Variants in ATRNL1 observed in about 807,000 individuals in gnomAD.
ATRNL1 encodes the protein attractin-like protein 1.
Under a neutral mutation model 182.7 loss-of-function variants are expected in ATRNL1, and 95 were observed. The ratio of observed to expected loss-of-function variants is 0.52; its 90% CI spans 0.44 to 0.62. The LOEUF (loss-of-function observed/expected upper bound fraction) is 0.62. ATRNL1 is among the 20% of genes least tolerant of loss of function. The pLI, the probability that ATRNL1 is intolerant of heterozygous loss-of-function variation, is 0.00. For missense variants in ATRNL1, 1,471 were observed against 1,679.5 expected (o/e 0.88, Z 2.17); for synonymous variants, 576 against 568.3 (o/e 1.01, Z -0.19).
chr10:115,395,235 T>G (rs1172058999), intron 20 of ATRNL1, among the ~76,000 whole-genome samples: 2 of 152,018 alleles, frequency 1.3e-5, no homozygotes, highest in Non-Finnish European at 2.9e-5. Flanking sequence ...GACCACATTT[T>G]CTTTATCCAG....
chr10:115,263,609 C>T (rs1222359663), intron 10 of ATRNL1, among the ~76,000 whole-genome samples: 8 of 151,580 alleles, frequency 5.3e-5, no homozygotes, highest in Non-Finnish European at 1.2e-4. Context: ...TTAAGATATG[C>T]GATGAAAACA....
At chr10:115,427,801 C>T (rs1279051643) in intron 21 of ATRNL1, among the ~76,000 whole-genome samples, 8 of 151,844 alleles carry the variant, frequency 5.3e-5, no homozygotes, top group South Asian at 2.1e-4. Flanking sequence ...TTTATGCTAA[C>T]GTAGCACATT....
intron 28 of ATRNL1, among the ~76,000 whole-genome samples, chr10:115,870,055 A>G (rs1273729596): frequency 1.6e-5 from 2 of 126,702 alleles, no homozygotes; most frequent in African/African-American, 6.2e-5. Context: ...ATCTCTGGTT[A>G]TTTCCTTGGG....
At chr10:115,860,389 CCTT>C (rs1247116126) in intron 28 of ATRNL1, among the ~76,000 whole-genome samples, 2 of 152,016 alleles carry the variant, frequency 1.3e-5, no homozygotes, top group African/African-American at 2.4e-5. Flanking sequence ...AAAAATGACT[CCTT>C]AAGTGTTCTG....
Position 115,442,303 on chromosome 10 carries a change from C to CTCTCTCTCTCTCTCTCTCTG in ATRNL1, c.3322+16002_3322+16003insCTCTCTCTCTCTCTCTCTGT, listed in dbSNP as rs782157017. 5.5e-3 allele frequency among the ~76,000 whole-genome samples: 681 copies of CTCTCTCTCTCTCTCTCTCTG among 123,702 alleles called. 11 individuals are homozygous for CTCTCTCTCTCTCTCTCTCTG. The highest frequency in any genetic ancestry group is 0.019 in the Middle Eastern group (4 of 212). The allele number at this position is 123,702 out of a possible 152,430, so 81.2% of individuals were successfully genotyped here. A position where few individuals can be genotyped will look rare whatever the true frequency, so the allele number is the denominator to read the frequency against. Reference sequence around the variant, plus strand: ...TCTCTCTCTCTCTCTCTCTCTCTCTCTGTGTGTATGTGTGTGTGTAAACAA... The same window carrying CTCTCTCTCTCTCTCTCTCTG: ...TCTCTCTCTCTCTCTCTCTCTCTCTCTCTCTCTCTCTCTCTCTCTGTGTGTGTATGTGTGTGTGTAAACAA... On this transcript the variant is annotated intron_variant, in intron 21 of 28. Coordinates refer to ENST00000355044, the MANE Select transcript of ATRNL1 (RefSeq NM_207303.4).
intron 27 of ATRNL1, among the ~76,000 whole-genome samples, chr10:115,836,256 G>T (rs78921745): frequency 0.016 from 2,490 of 152,210 alleles, 82 homozygotes; most frequent in African/African-American, 0.057. Flanking sequence ...CCAAATAGGG[G>T]AAATATTCTG....
intron 26 of ATRNL1, among the ~76,000 whole-genome samples, chr10:115,653,868 A>G (rs2133887075): frequency 6.6e-6 from 1 of 152,344 alleles, no homozygotes; most frequent in South Asian, 2.1e-4. Context: ...ATCAAACAAA[A>G]TCACTCATGA....
At position 115,274,577 on chromosome 10, in the gene ATRNL1, C is replaced by A. The variant is rs374838955; in HGVS notation, c.2100+6133C>A. On this transcript the variant is annotated intron_variant, in intron 13 of 28. Coordinates refer to ENST00000355044, the MANE Select transcript of ATRNL1 (RefSeq NM_207303.4). Reference sequence around the variant, plus strand: ...AGTCTAGAGTAGTTGCTACATCTTGCTCACTAGGTCCAATCTATGTGATGT... The same window carrying A: ...AGTCTAGAGTAGTTGCTACATCTTGATCACTAGGTCCAATCTATGTGATGT... 7.9e-4 allele frequency among the ~76,000 whole-genome samples: 121 copies of A among 152,266 alleles called. 2 individuals carry two copies. In the South Asian group the frequency reaches 0.024, roughly 31 times the overall value.
chr10:115,296,322 G>A (rs181061319), intron 15 of ATRNL1, among the ~76,000 whole-genome samples: 2 of 152,136 alleles, frequency 1.3e-5, no homozygotes, highest in Admixed American at 1.3e-4. Context: ...CTCTCCCTTC[G>A]ACACTCCAGT....
intron 18 of ATRNL1, among the ~76,000 whole-genome samples, chr10:115,327,483 T>G (rs1407786740): frequency 1.3e-5 from 2 of 150,644 alleles, no homozygotes; most frequent in East Asian, 3.9e-4. Flanking sequence ...TTTACACTGT[T>G]GGTGGGACTG....
intron 9 of ATRNL1, among the ~76,000 whole-genome samples, chr10:115,237,621 A>G (rs1048442185): frequency 1.1e-4 from 17 of 152,216 alleles, no homozygotes; most frequent in African/African-American, 3.4e-4. Context: ...TAATTTGGAT[A>G]CCAGTCCTTT....
intron 24 of ATRNL1, among the ~76,000 whole-genome samples, chr10:115,504,373 A>G (rs1171416812): frequency 6.6e-6 from 1 of 152,086 alleles, no homozygotes; most frequent in African/African-American, 2.4e-5. Flanking sequence ...AAAGATGAAG[A>G]TAACATTCCC....
At chr10:115,941,508 G>C (rs1424445086) in intron 28 of ATRNL1, among the ~76,000 whole-genome samples, 1 of 152,182 alleles carries the variant, frequency 6.6e-6, no homozygotes, top group East Asian at 1.9e-4. Context: ...CATGTAAATG[G>C]AAAGTATTAT....
chr10:115,844,270 A>G (rs1950878475), intron 27 of ATRNL1, among the ~76,000 whole-genome samples: 1 of 152,040 alleles, frequency 6.6e-6, no homozygotes, highest in South Asian at 2.1e-4. Context: ...TATGGTTTCT[A>G]GTGATGGGTC....
intron 27 of ATRNL1, among the ~76,000 whole-genome samples, chr10:115,817,712 C>T (rs2960663): frequency 0.98 from 149,263 of 152,016 alleles, 73,331 homozygotes; most frequent in East Asian, 1. Flanking sequence ...CTGTTTCATG[C>T]GCTGAATTAA....
chr10:115,870,673 C>A (rs983798840), intron 28 of ATRNL1, among the ~76,000 whole-genome samples: 2 of 152,118 alleles, frequency 1.3e-5, no homozygotes, highest in Non-Finnish European at 2.9e-5. Context: ...TCGTGCATAT[C>A]TTTATATATC....
chr10:115,872,584 G>A lies in ATRNL1; in HGVS notation c.4018+24593G>A, dbSNP rs116044718. Among the ~76,000 whole-genome samples, 922 of 152,322 alleles carry A rather than the reference G, an allele frequency of 6.1e-3. 9 individuals carry two copies. Among genetic ancestry groups the A allele is most frequent in the African/African-American group, 0.021 (859 of 41,580 alleles). ...ACACAAAGGATCCAATCTTGCTAGG[G>A]AATGACTAGGTAGAAGTCCAGTGCT... On this transcript the variant is annotated intron_variant, in intron 28 of 28. Transcript: ENST00000355044.
chr10:115,740,516 T>TC (rs1948105526), intron 27 of ATRNL1, among the ~76,000 whole-genome samples: 3 of 152,212 alleles, frequency 2.0e-5, no homozygotes, highest in African/African-American at 4.8e-5. Flanking sequence ...TCTATCTATT[T>TC]TGTTTTTTTG....
intron 24 of ATRNL1, among the ~76,000 whole-genome samples, chr10:115,487,635 A>G (rs1343958585): frequency 6.6e-6 from 1 of 152,120 alleles, no homozygotes. Context: ...TTGGACGGAG[A>G]TGATGGGGTT....
Sources: gnomAD v4.1 joint callset for allele counts (sites outside exome capture counted in the v4.1 genomes callset) on GRCh38, gnomAD v4.1.1 for gene constraint, MANE v1.5 for transcripts, NCBI Gene and HGNC (gene_info 2026-07-23, HGNC 2026-07-21) for gene names.